SMOC2: variants seen among roughly 807,000 people sequenced by gnomAD.
SMOC2 encodes the protein SPARC-related modular calcium-binding protein 2.
SMOC2 carries 39 observed loss-of-function variants against 61.4 expected under a neutral mutation model. The ratio of observed to expected loss-of-function variants is 0.64; its 90% CI spans 0.49 to 0.83. The LOEUF is 0.83. Ranked by LOEUF, SMOC2 falls within the 40% of genes least tolerant of loss-of-function variation. SMOC2 has a pLI of 0.00. For synonymous variants in SMOC2, 247 were observed against 239.9 expected, an observed-to-expected ratio of 1.03 and a Z score of -0.27; for missense variants, 556 against 592.9, an observed-to-expected ratio of 0.94 and a Z score of 0.65.
intron 11 of SMOC2, among the ~76,000 whole-genome samples, chr6:168,659,916 TTGGAGGTTGTAGGCTGGGTGAGGG>T (rs1787459524): frequency 1.4e-5 from 1 of 70,454 alleles, no homozygotes; most frequent in Admixed American, 1.4e-4. Context: ...TTGGGTGAGG[TTGGAGGTTGTAGGCTGGGTGAGGG>T]TGGAGGTTGT....
chr6:168,574,649 T>G (rs2880403), intron 7 of SMOC2, among the ~76,000 whole-genome samples: 1 of 152,048 alleles, frequency 6.6e-6, no homozygotes, highest in South Asian at 2.1e-4. Flanking sequence ...TCAGGGGGGA[T>G]TCCTGTGCCG....
At chr6:168,633,858 G>T (rs1786638143) in intron 9 of SMOC2, among the ~76,000 whole-genome samples, 1 of 152,220 alleles carries the variant, frequency 6.6e-6, no homozygotes, top group South Asian at 2.1e-4. Context: ...ATCCCCATGT[G>T]TCGTGAGAGG....
chr6:168,648,134 G>T (rs1293382235), intron 9 of SMOC2, among the ~76,000 whole-genome samples: 12 of 152,126 alleles, frequency 7.9e-5, no homozygotes, highest in African/African-American at 2.9e-4. Context: ...CTTTCTTAAA[G>T]CTGTTCAGTA....
At position 168,543,650 on chromosome 6, in the gene SMOC2, A is replaced by G. The variant is rs762804635; in HGVS notation, c.489A>G (p.Gln163=). Residue 163 remains glutamine, a synonymous_variant, in exon 5 of 13, where the codon CAA becomes CAG. Transcript: ENST00000356284. ...CPGSVNEKLP[Q]REGTGKTDDA... is the part of the protein sequence containing the mutation. ...GTTCCGTAAATGAAAAGTTACCCCA[A>G]CGCGAAGGCACAGGAAAAACAGGTA... 8.1e-6 allele frequency: 13 copies of G among 1,613,808 alleles called. No individual in the cohort carries two copies. In the East Asian group the frequency reaches 2.9e-4, roughly 36 times the overall value.
Position 168,553,407 on chromosome 6 carries a change from TAC to T in SMOC2, c.637+4206_637+4207del, listed in dbSNP as rs1203530469. 6.6e-6 allele frequency among the ~76,000 whole-genome samples: 1 copy of T among 152,224 alleles called. No homozygotes were observed. Among genetic ancestry groups the T allele is most frequent in the African/African-American group, 2.4e-5 (1 of 41,466 alleles). ...TTATCAGATAAGACATTTTGTAAGATACAGTCTTTTAATTATGTAAGATTTAA... is the reference window on the plus strand; with the variant it reads ...TTATCAGATAAGACATTTTGTAAGATAGTCTTTTAATTATGTAAGATTTAA... On this transcript the variant is annotated intron_variant, in intron 7 of 12. Transcript: ENST00000356284. The surrounding 1 kb of genome is among the most constrained non-coding windows in gnomAD (Gnocchi z 4.2).
At chr6:168,550,413 A>G (rs916368582) in intron 7 of SMOC2, among the ~76,000 whole-genome samples, 2 of 152,114 alleles carry the variant, frequency 1.3e-5, no homozygotes, top group Non-Finnish European at 2.9e-5. Context: ...GCTCTTACAC[A>G]CCCAACCTGA....
intron 9 of SMOC2, among the ~76,000 whole-genome samples, chr6:168,624,989 G>C (rs9295078): frequency 0.89 from 134,526 of 151,456 alleles, 59,886 homozygotes; most frequent in Middle Eastern, 0.96. Context: ...ACCACCACCA[G>C]CAGCACCATC....
chr6:168,564,692 C>T (rs1314363176), intron 7 of SMOC2, among the ~76,000 whole-genome samples: 1 of 152,172 alleles, frequency 6.6e-6, no homozygotes, highest in Admixed American at 6.5e-5. Context: ...GCTTTTGGTG[C>T]CATGTCTAAG....
chr6:168,520,328 C>T (rs1783299182), intron 2 of SMOC2, among the ~76,000 whole-genome samples: 1 of 152,162 alleles, frequency 6.6e-6, no homozygotes, highest in African/African-American at 2.4e-5. Context: ...ATGCCAAAAT[C>T]AATAAAAGCC....
chr6:168,461,229 TATCACC>T (rs972334281), intron 1 of SMOC2, among the ~76,000 whole-genome samples: 1 of 152,184 alleles, frequency 6.6e-6, no homozygotes, highest in Non-Finnish European at 1.5e-5. Flanking sequence ...ACGTATTCAC[TATCACC>T]AGAACAGCAT....
chr6:168,637,690 A>G (rs1346136679), intron 9 of SMOC2, among the ~76,000 whole-genome samples: 1 of 152,172 alleles, frequency 6.6e-6, no homozygotes, highest in African/African-American at 2.4e-5. Context: ...AGTTACGTAT[A>G]ATTTGTGAAA....
At chr6:168,573,863 G>A (rs58414524) in intron 7 of SMOC2, among the ~76,000 whole-genome samples, 61,162 of 152,036 alleles carry the variant, frequency 0.4, 13,369 homozygotes, top group African/African-American at 0.58. Context: ...TTTTAAAATA[G>A]AAGTCCCAGA....
intron 7 of SMOC2, among the ~76,000 whole-genome samples, chr6:168,563,448 TAC>T (rs139733519): frequency 2.0e-5 from 3 of 151,990 alleles, no homozygotes; most frequent in Non-Finnish European, 4.4e-5. Flanking sequence ...TACACAGTCA[TAC>T]ACACACACAC....
Position 168,650,738 on chromosome 6 carries a change from C to T in SMOC2, c.965C>T (p.Thr322Met), listed in dbSNP as rs200214134. Reference protein sequence around the residue: ...FLTSVLDALSTDMVHAASDPS... With the variant: ...FLTSVLDALSMDMVHAASDPS... ...ACCAGCGTTCTGGACGCGCTGTCCA[C>T]GGACATGGTCCACGCCGCCTCCGAC... Residue 322 changes from threonine to methionine, a missense_variant, in exon 10 of 13, where the codon ACG becomes ATG. Physicochemically the swap from Thr to Met is moderately conservative, Grantham distance 81. Coordinates refer to ENST00000356284, the MANE Select transcript of SMOC2 (RefSeq NM_001166412.2). The T allele has an allele frequency of 4.2e-5, 68 of 1,613,524 alleles. No individual in the cohort carries two copies. Among genetic ancestry groups the T allele is most frequent in the East Asian group, 1.3e-4 (6 of 44,882 alleles).
chr6:168,625,931 GC>G (rs920096440), intron 9 of SMOC2, among the ~76,000 whole-genome samples: 37 of 152,346 alleles, frequency 2.4e-4, no homozygotes, highest in African/African-American at 8.9e-4. Flanking sequence ...GTGTTTGATC[GC>G]CTGGCAGGAG....
chr6:168,525,351 G>T (rs62424684), intron 2 of SMOC2, among the ~76,000 whole-genome samples: 16,701 of 152,214 alleles, frequency 0.11, 1,077 homozygotes, highest in South Asian at 0.19. Flanking sequence ...CACTCCCTGG[G>T]CTGGAAGGCT....
chr6:168,442,662 C>G (rs1044365926), intron 1 of SMOC2, among the ~76,000 whole-genome samples: 2 of 152,200 alleles, frequency 1.3e-5, no homozygotes, highest in Non-Finnish European at 2.9e-5. Flanking sequence ...AAGCTGTGGT[C>G]GGTTCTGCCT....
At chr6:168,518,872 TTCATGTGTCTGA>T (rs1783233054) in intron 2 of SMOC2, among the ~76,000 whole-genome samples, 1 of 151,532 alleles carries the variant, frequency 6.6e-6, no homozygotes, top group South Asian at 2.1e-4. Context: ...TATGAATGTA[TTCATGTGTCTGA>T]GCATGCGTGT....
Position 168,566,565 on chromosome 6 carries a change from C to T in SMOC2, c.637+17362C>T, listed in dbSNP as rs138604350. Among the ~76,000 whole-genome samples the T allele has an allele frequency of 1.7e-3, 254 of 149,176 alleles. 2 individuals are homozygous for T. Among genetic ancestry groups the T allele is most frequent in the Non-Finnish European group, 3.4e-4 (23 of 67,226 alleles). ...TGGTGTGATCTCGGCTCACTGCAAC[C>T]GCCACCTCCCAGGTTCAAGTGATTC... is the stretch of plus-strand genomic sequence containing the variant. On this transcript the variant is annotated intron_variant, in intron 7 of 12. Coordinates refer to ENST00000356284, the MANE Select transcript of SMOC2 (RefSeq NM_001166412.2).
Sources: gnomAD v4.1 joint callset for allele counts (sites outside exome capture counted in the v4.1 genomes callset) on GRCh38, gnomAD v4.1.1 for gene constraint, Gnocchi (gnomAD v3.1) non-coding constraint, MANE v1.5 for transcripts, NCBI Gene and HGNC (gene_info 2026-07-23, HGNC 2026-07-21) for gene names.